DENND1B: variants seen among roughly 807,000 people sequenced by gnomAD.
DENND1B encodes DENN domain-containing protein 1B.
A neutral mutation model predicts 90.1 loss-of-function variants in DENND1B; 59 were observed. That is an observed-to-expected ratio of 0.65 (90% CI 0.53 to 0.81). The LOEUF (loss-of-function observed/expected upper bound fraction) is 0.81, where lower values mean the gene tolerates loss of function less well. DENND1B is among the 40% of genes least tolerant of loss of function. The probability of loss-of-function intolerance (pLI) is 0.00; values close to 1 mark genes in which losing one functional copy is unlikely to be tolerated. For synonymous variants in DENND1B, 337 were observed against 324.6 expected (o/e 1.04, Z -0.41); for missense variants, 862 against 912.6 (o/e 0.94, Z 0.71).
rs1272121014 is a variant in DENND1B at position 197,654,619 on chromosome 1, AAAAG to A, written c.367-2308_367-2305del. On this transcript the variant is annotated intron_variant, in intron 6 of 22. Coordinates refer to ENST00000620048, the MANE Select transcript of DENND1B (RefSeq NM_001195215.2). ...AGCGTGACTCCGTCTCAAAAAAAAA[AAAAG>A]AATTTAAATCCAGGATTTCAGGGTT... Among the ~76,000 whole-genome samples the A allele has an allele frequency of 2.6e-5, 4 of 152,262 alleles. No individual in the cohort carries two copies. The East Asian group carries it at 7.7e-4, about 29-fold the overall frequency.
intron 13 of DENND1B, among the ~76,000 whole-genome samples, chr1:197,602,164 A>C (rs996013199): frequency 9.2e-5 from 14 of 151,624 alleles, no homozygotes; most frequent in Admixed American, 4.0e-4. Context: ...AGTCAAATGG[A>C]AATATCCTTA....
At chr1:197,691,261 A>C (rs1386542977) in intron 3 of DENND1B, among the ~76,000 whole-genome samples, 1 of 132,144 alleles carries the variant, frequency 7.6e-6, no homozygotes, top group East Asian at 2.1e-4. Flanking sequence ...ACTTAACAGC[A>C]AAAAAAAAAA....
chr1:197,726,205 G>C (rs545523319), intron 2 of DENND1B, among the ~76,000 whole-genome samples: 2 of 152,020 alleles, frequency 1.3e-5, no homozygotes, highest in African/African-American at 4.8e-5. Context: ...GATTATAGTG[G>C]GTGTTTTATG....
intron 9 of DENND1B, among the ~76,000 whole-genome samples, chr1:197,643,226 C>T (rs1680431617): frequency 6.6e-6 from 1 of 151,712 alleles, no homozygotes; most frequent in South Asian, 2.1e-4. Flanking sequence ...GAGATCTTGG[C>T]TCATTGCAAC....
intron 6 of DENND1B, among the ~76,000 whole-genome samples, chr1:197,656,509 T>G (rs1653843617): frequency 6.6e-6 from 1 of 152,158 alleles, no homozygotes; most frequent in African/African-American, 2.4e-5. Context: ...AATATTTTAG[T>G]AAATTAGCTC....
At chr1:197,732,169 A>C (rs1208532170) in intron 2 of DENND1B, among the ~76,000 whole-genome samples, 3 of 152,122 alleles carry the variant, frequency 2.0e-5, no homozygotes, top group African/African-American at 4.8e-5. Flanking sequence ...TTGTTTTGTA[A>C]TGCCATCCTT....
At chr1:197,567,469 A>C (rs140214276) in intron 15 of DENND1B, among the ~76,000 whole-genome samples, 2 of 152,258 alleles carry the variant, frequency 1.3e-5, no homozygotes, top group Non-Finnish European at 2.9e-5. Context: ...AAAGAAGAGA[A>C]TATTTCCAAA....
At chr1:197,581,081 A>T (rs969177278) in intron 15 of DENND1B, among the ~76,000 whole-genome samples, 3 of 152,196 alleles carry the variant, frequency 2.0e-5, no homozygotes, top group African/African-American at 7.2e-5. Flanking sequence ...ATAATGGATC[A>T]CAAAGTCATA....
chr1:197,573,429 A>G (rs1673360772), intron 15 of DENND1B, among the ~76,000 whole-genome samples: 1 of 152,190 alleles, frequency 6.6e-6, no homozygotes, highest in Non-Finnish European at 1.5e-5. Flanking sequence ...GAATAGACCA[A>G]TAACAGGCTC....
rs1653714157 is a variant in DENND1B, at chr1:197,655,520, T to C, written c.366+2780A>G. On this transcript the variant is annotated intron_variant, in intron 6 of 22. Coordinates refer to ENST00000620048, the MANE Select transcript of DENND1B (RefSeq NM_001195215.2). ...CTGAAATTAGGTTTGTTTCAAAAGA[T>C]AGCTACATTAACTTTTTTTTTTTTT... Among the ~76,000 whole-genome samples the C allele has an allele frequency of 3.3e-5, 5 of 151,918 alleles. No individual in the cohort carries two copies. The South Asian group carries it at 8.3e-4, about 25-fold the overall frequency.
intron 3 of DENND1B, among the ~76,000 whole-genome samples, chr1:197,680,687 T>TA (rs1344823614): frequency 5.3e-5 from 8 of 152,096 alleles, no homozygotes; most frequent in African/African-American, 1.9e-4. Context: ...TTCTTAGATT[T>TA]AAAAAAGAAA....
At chr1:197,649,998 A>C (rs895106246) in intron 7 of DENND1B, among the ~76,000 whole-genome samples, 2 of 152,190 alleles carry the variant, frequency 1.3e-5, no homozygotes, top group African/African-American at 4.8e-5. Flanking sequence ...AATAAATTCA[A>C]ACAAATCAGT....
chr1:197,620,616 TAAGTGCTTTA>T (rs1678068140), intron 10 of DENND1B, among the ~76,000 whole-genome samples: 2 of 151,474 alleles, frequency 1.3e-5, no homozygotes, highest in South Asian at 2.1e-4. Context: ...TCTAAAAGTT[TAAGTGCTTTA>T]AAGTGCTTTA....
In DENND1B at chr1:197,538,314, AC is replaced by A. The variant is rs530361148; in HGVS notation, c.1515+1649del. ...GAACATATTAGTGGTGGGAAAAAAA[AC>A]AACAGAAAAATCAATAGCAAATCCA... On this transcript the variant is annotated intron_variant, in intron 20 of 22. Coordinates refer to ENST00000620048, the MANE Select transcript of DENND1B (RefSeq NM_001195215.2). Among the ~76,000 whole-genome samples the A allele has an allele frequency of 2.7e-4, 41 of 152,276 alleles. No homozygotes were observed. The Middle Eastern group carries it at 0.01, about 38-fold the overall frequency.
At chr1:197,635,168 A>T (rs1679673709) in intron 10 of DENND1B, among the ~76,000 whole-genome samples, 1 of 152,146 alleles carries the variant, frequency 6.6e-6, no homozygotes, top group South Asian at 2.1e-4. Context: ...ACAAAGATAC[A>T]CTTTCTACTC....
At chr1:197,652,347 T>TA (rs1653320688) in intron 6 of DENND1B, 32 bp from the exon 7 acceptor site, 1 of 1,558,288 alleles carries the variant, frequency 6.4e-7, no homozygotes, top group South Asian at 1.2e-5. Flanking sequence ...ATTTTATAAA[T>TA]AAAACATATA....
At chr1:197,608,346 T>G (rs1676876448) in intron 12 of DENND1B, among the ~76,000 whole-genome samples, 1 of 150,638 alleles carries the variant, frequency 6.6e-6, no homozygotes, top group Non-Finnish European at 1.5e-5. Context: ...CTGTCTTCTT[T>G]ATTATAAAGA....
chr1:197,605,532 G>A (rs893909442), intron 13 of DENND1B: 7 of 150,586 alleles, frequency 4.6e-5, no homozygotes, highest in Admixed American at 6.6e-5. Context: ...AGGCATTAAC[G>A]GTAGGAAGTA....
chr1:197,670,049 C>T (rs1205888235), intron 5 of DENND1B, among the ~76,000 whole-genome samples: 4 of 152,006 alleles, frequency 2.6e-5, no homozygotes, highest in Admixed American at 2.0e-4. Context: ...TTGTTTTCTA[C>T]AAATTAATGA....
Sources: allele counts gnomAD v4.1 joint callset (sites outside exome capture counted in the v4.1 genomes callset), GRCh38; gene constraint gnomAD v4.1.1; transcripts MANE v1.5; gene names NCBI Gene and HGNC (gene_info 2026-07-23, HGNC 2026-07-21).